The following TLE4 variants were observed in gnomAD, a reference collection of about 807,000 sequenced individuals.
TLE4 encodes TLE family member 4, transcriptional corepressor, also known as transducin-like enhancer protein 4.
TLE4 carries 8 observed loss-of-function variants against 92.8 expected under a neutral mutation model. The ratio of observed to expected loss-of-function variants is 0.09; its 90% CI spans 0.05 to 0.16. The LOEUF is 0.16. Ranked by LOEUF, TLE4 falls within the 10% of genes least tolerant of loss-of-function variation. TLE4 has a pLI of 1.00. For synonymous variants in TLE4, 371 were observed against 374.1 expected (o/e 0.99, Z 0.10); for missense variants, 675 against 997.6 (o/e 0.68, Z 4.36).
chr9:79,572,982 A>G (rs2036262372), intron 1 of TLE4, 147 bp downstream of exon 1: 3 of 826,356 alleles, frequency 3.6e-6, no homozygotes, highest in African/African-American at 1.8e-5. Flanking sequence ...CCCGCCCGCC[A>G]TCACCCCCAC....
rs2076367217 is a variant in TLE4 at position 79,726,258 on chromosome 9, CCATTGTGCCAGAAA to C, written c.*1122_*1135del. ...GTCCCTGAAATGGACACAGGCTGTG[CCATTGTGCCAGAAA>C]CATTGTGTTATCTTTTATGTTGTTG... is the stretch of plus-strand genomic sequence containing the variant. On this transcript the variant is annotated 3_prime_UTR_variant, in exon 20 of 20. Coordinates refer to ENST00000376552, the MANE Select transcript of TLE4 (RefSeq NM_007005.6). 1 of 152,612 alleles carries C rather than the reference CCATTGTGCCAGAAA, an allele frequency of 6.6e-6. No homozygotes were observed. The highest frequency in any genetic ancestry group is 2.1e-4 in the South Asian group (1 of 4,826). The allele number at this position is 152,612 out of a possible 1,614,324, so 9.5% of individuals were successfully genotyped here. A position where few individuals can be genotyped will look rare whatever the true frequency, so the allele number is the denominator to read the frequency against.
chr9:79,718,602 G>A (rs565179041), intron 14 of TLE4, 120 bp from the exon 15 acceptor site: 20 of 1,379,182 alleles, frequency 1.5e-5, no homozygotes, highest in African/African-American at 1.2e-4. Flanking sequence ...GGACAAATTC[G>A]ATTTGTTCGT....
intron 6 of TLE4, among the ~76,000 whole-genome samples, chr9:79,647,861 TGG>T (rs2058332820): frequency 1.3e-5 from 2 of 151,776 alleles, no homozygotes; most frequent in Non-Finnish European, 2.9e-5. Context: ...TGAGAGACAG[TGG>T]TGGAGATTAC....
chr9:79,572,900 G>A lies in TLE4; in HGVS notation c.45+65G>A, dbSNP rs1587523783. On this transcript the variant is annotated intron_variant, in intron 1 of 19. Coordinates refer to ENST00000376552, the MANE Select transcript of TLE4 (RefSeq NM_007005.6). Reference sequence around the variant, plus strand: ...GGGGATTCCCCGCGTCGCCCCCTGCGCACCGAGTTGTGTCTTTTGGCCGGA... The same window carrying A: ...GGGGATTCCCCGCGTCGCCCCCTGCACACCGAGTTGTGTCTTTTGGCCGGA... The A allele has an allele frequency of 7.9e-6, 12 of 1,526,622 alleles. No individual in the cohort carries two copies. The East Asian group carries it at 2.5e-4, about 32-fold the overall frequency. The allele number at this position is 1,526,622 out of a possible 1,614,324, so 94.6% of individuals were successfully genotyped here. A position where few individuals can be genotyped will look rare whatever the true frequency, so the allele number is the denominator to read the frequency against.
intron 8 of TLE4, chr9:79,693,560 G>A: frequency 7.0e-6 from 3 of 428,224 alleles, no homozygotes; most frequent in South Asian, 3.4e-5. Flanking sequence ...GCAGACTGTT[G>A]GCTGTGTTAG....
intron 4 of TLE4, among the ~76,000 whole-genome samples, chr9:79,608,858 T>C (rs1287644042): frequency 2.6e-5 from 4 of 152,086 alleles, no homozygotes; most frequent in Non-Finnish European, 5.9e-5. Flanking sequence ...GTTTATTATG[T>C]TTTTAAAATA....
intron 6 of TLE4, among the ~76,000 whole-genome samples, chr9:79,632,581 A>G (rs919298740): frequency 6.6e-6 from 1 of 152,118 alleles, no homozygotes; most frequent in South Asian, 2.1e-4. Flanking sequence ...TTGTTTTCTG[A>G]TGTGAGTTCT....
Position 79,594,513 on chromosome 9 carries a change from AT to A in TLE4, c.253-18132del, listed in dbSNP as rs74532491. On this transcript the variant is annotated intron_variant, in intron 4 of 19. Coordinates refer to ENST00000376552, the MANE Select transcript of TLE4 (RefSeq NM_007005.6). Reference sequence around the variant, plus strand: ...ATCTTTATTTTTGTTTTTGTTTTGTATTTTTTTTTTTGGGAGATTCATGCAT... The same window carrying A: ...ATCTTTATTTTTGTTTTTGTTTTGTATTTTTTTTTTGGGAGATTCATGCAT... Among the ~76,000 whole-genome samples, 358 of 145,822 alleles carry A rather than the reference AT, an allele frequency of 2.5e-3. 1 individual carries two copies. Among genetic ancestry groups the A allele is most frequent in the Admixed American group, 3.2e-3 (47 of 14,606 alleles).
At chr9:79,685,155 G>A (rs78205628) in intron 8 of TLE4, among the ~76,000 whole-genome samples, 242 of 152,250 alleles carry the variant, frequency 1.6e-3, no homozygotes, top group African/African-American at 5.6e-3. Flanking sequence ...AACACAAAGA[G>A]TATTGTTTCC....
At chr9:79,578,583 G>A (rs2038682165) in intron 4 of TLE4, among the ~76,000 whole-genome samples, 1 of 152,036 alleles carries the variant, frequency 6.6e-6, no homozygotes, top group Non-Finnish European at 1.5e-5. Flanking sequence ...CCCTTTCTAT[G>A]TGGTGCTCAT....
At chr9:79,702,846 T>A (rs964484026) in intron 8 of TLE4, among the ~76,000 whole-genome samples, 1 of 152,144 alleles carries the variant, frequency 6.6e-6, no homozygotes, top group Non-Finnish European at 1.5e-5. Context: ...ACCACAGGTA[T>A]GAAGAAAGAC....
chr9:79,576,262 C>G lies in TLE4; in HGVS notation c.252+85C>G, dbSNP rs767062388. On this transcript the variant is annotated intron_variant, in intron 4 of 19. Transcript: ENST00000376552. Reference sequence around the variant, plus strand: ...AAATTGTATGTTTTGCAGTTTTATTCTGCAAGCCGTTGTGGCTACCTGTAT... The same window carrying G: ...AAATTGTATGTTTTGCAGTTTTATTGTGCAAGCCGTTGTGGCTACCTGTAT... 4 of 1,070,750 alleles carry G rather than the reference C, an allele frequency of 3.7e-6. No homozygotes were observed. The Admixed American group carries it at 9.2e-5, about 25-fold the overall frequency. 66.3% of individuals were successfully genotyped at this position (1,070,750 alleles called of 1,614,324 possible).
At chr9:79,606,184 G>GTTTTTTTTTTTTTTTT (rs1288414778) in intron 4 of TLE4, among the ~76,000 whole-genome samples, 3 of 18,374 alleles carry the variant, frequency 1.6e-4, no homozygotes, top group Admixed American at 6.5e-4. Flanking sequence ...AGCAGTAGTA[G>GTTTTTTTTTTTTTTTT]TTGTTTTTTT....
chr9:79,656,912 G>A (rs1051835682), intron 8 of TLE4, among the ~76,000 whole-genome samples: 1 of 152,020 alleles, frequency 6.6e-6, no homozygotes, highest in African/African-American at 2.4e-5. Flanking sequence ...TCTCTTCTGG[G>A]AAGTTCTGTG....
At chr9:79,652,572 G>A (rs1194266379) in intron 6 of TLE4, 21 bp from the exon 7 acceptor site, 9 of 1,613,486 alleles carry the variant, frequency 5.6e-6, no homozygotes, top group Non-Finnish European at 5.9e-6. Context: ...TTCAATATCT[G>A]TGTTTAATTT....
intron 8 of TLE4, among the ~76,000 whole-genome samples, chr9:79,697,087 G>A (rs1233890031): frequency 3.3e-5 from 5 of 152,166 alleles, no homozygotes; most frequent in South Asian, 2.1e-4. Context: ...GCCAGTGCAT[G>A]TAACTGTAAT....
chr9:79,579,509 C>T (rs2039011685), intron 4 of TLE4, among the ~76,000 whole-genome samples: 1 of 152,194 alleles, frequency 6.6e-6, no homozygotes, highest in African/African-American at 2.4e-5. Flanking sequence ...ACATCTATGA[C>T]TTCCTTATAG....
intron 1 of TLE4, chr9:79,573,375 G>C: frequency 8.6e-7 from 1 of 1,163,426 alleles, no homozygotes. Flanking sequence ...TTCCGGGTGA[G>C]GAGGGAGTGG....
At chr9:79,689,835 A>C (rs1348079943) in intron 8 of TLE4, among the ~76,000 whole-genome samples, 4 of 152,194 alleles carry the variant, frequency 2.6e-5, no homozygotes, top group African/African-American at 9.6e-5. Flanking sequence ...AATATGCCTT[A>C]GGTCAGAGGT....
Sources: allele counts gnomAD v4.1 joint callset (sites outside exome capture counted in the v4.1 genomes callset), GRCh38; gene constraint gnomAD v4.1.1; transcripts MANE v1.5; gene names NCBI Gene and HGNC (gene_info 2026-07-23, HGNC 2026-07-21).